The following SDE2 variants were observed in gnomAD, a reference collection of about 807,000 sequenced individuals.
SDE2 encodes the protein splicing regulator SDE2.
A neutral mutation model predicts 46.9 loss-of-function variants in SDE2; 31 were observed. The ratio of observed to expected loss-of-function variants is 0.66; its 90% CI spans 0.50 to 0.89. SDE2 has a LOEUF of 0.89. SDE2 is among the 40% of genes least tolerant of loss of function. The probability of loss-of-function intolerance (pLI) is 0.00; values close to 1 mark genes in which losing one functional copy is unlikely to be tolerated. For missense variants in SDE2, 542 were observed against 564.4 expected (o/e 0.96, Z 0.40); for synonymous variants, 205 against 204.3 (o/e 1.00, Z -0.03).
rs199904241 is a variant in SDE2 at position 225,999,292 on chromosome 1, C to T, written c.21G>A (p.Leu7=). 13 of 1,611,862 alleles carry T rather than the reference C, an allele frequency of 8.1e-6. No homozygotes were observed. The East Asian group carries it at 2.9e-4, about 36-fold the overall frequency. Residue 7 remains leucine, a synonymous_variant, in exon 1 of 7, where the codon CTG becomes CTA. Coordinates refer to ENST00000272091, the MANE Select transcript of SDE2 (RefSeq NM_152608.4). MAEAAA[L]VWIRGPGFGC... is the part of the protein sequence containing the mutation. ...CGAAGCCAGGGCCGCGAATCCACAC[C>T]AGCGCCGCGGCCTCCGCCATGTCAC...
rs1379948044 is a variant in SDE2, at chr1:225,987,995, T to C, written c.1035A>G (p.Thr345=). Residue 345 remains threonine (T), a synonymous_variant, in exon 6 of 7, where the codon ACA becomes ACG. Transcript: ENST00000272091. ...TGAGLNKDKE[T]EERTDGERVA... ...CTCTTTCCCCATCAGTCCTTTCTTC[T>C]GTCTCTTTATCCTTATTCAGTCCAG... 3 of 1,614,210 alleles carry C rather than the reference T, an allele frequency of 1.9e-6. No individual in the cohort carries two copies. Among genetic ancestry groups the C allele is most frequent in the Admixed American group, 3.3e-5 (2 of 60,022 alleles).
chr1:225,997,538 T>C (rs976228496), intron 1 of SDE2, among the ~76,000 whole-genome samples: 2 of 152,132 alleles, frequency 1.3e-5, no homozygotes, highest in African/African-American at 4.8e-5. Context: ...CAAATGATTC[T>C]TCTGCTTCAG....
rs367643036 is a variant in SDE2 at position 225,997,720 on chromosome 1, C to G, written c.120+1473G>C. On this transcript the variant is annotated intron_variant, in intron 1 of 6. Transcript: ENST00000272091. ...TGTTGGAATTACAGGCGTGAGCCAC[C>G]ACGCCTGGCCTATATTTCTTGCTTC... Among the ~76,000 whole-genome samples the G allele has an allele frequency of 2.7e-4, 41 of 152,318 alleles. 1 individual carries two copies. The South Asian group carries it at 8.3e-3, about 31-fold the overall frequency.
At position 225,985,356 on chromosome 1, in the gene SDE2, C is replaced by T; in HGVS notation, c.1302G>A (p.Lys434=). The T allele has an allele frequency of 1.2e-6, 2 of 1,614,220 alleles. No homozygotes were observed. The highest frequency in any genetic ancestry group is 1.7e-6 in the Non-Finnish European group (2 of 1,180,042). ...CAAATAAAGCCGGGTCAATTTGCTC[C>T]TTTGCCAGTCCTCTGACAGAGAAGA... ...ARLFSVRGLA[K]EQIDPALFAK... is the part of the protein sequence containing the mutation. Residue 434 remains lysine, a synonymous_variant, in exon 7 of 7, where the codon AAG becomes AAA. Coordinates refer to ENST00000272091, the MANE Select transcript of SDE2 (RefSeq NM_152608.4).
At chr1:225,986,314 AAC>A (rs1350747841) in intron 6 of SDE2, among the ~76,000 whole-genome samples, 2 of 151,728 alleles carry the variant, frequency 1.3e-5, no homozygotes, top group African/African-American at 4.8e-5. Flanking sequence ...CAGCCTGAGC[AAC>A]AGAGTGAGAC....
At chr1:225,992,330 T>G (rs116701520) in intron 4 of SDE2, 68 bp downstream of exon 4, 54 of 1,138,894 alleles carry the variant, frequency 4.7e-5, no homozygotes, top group Non-Finnish European at 6.4e-5. Context: ...TTGTGCGTAG[T>G]GTAGAGCAGT....
chr1:225,992,781 T>C (rs1260618105), intron 3 of SDE2, 110 bp downstream of exon 3: 3 of 699,924 alleles, frequency 4.3e-6, no homozygotes, highest in Non-Finnish European at 4.9e-6. Context: ...TAAATTTGGA[T>C]GTAAATATTT....
chr1:225,986,559 T>G (rs1244364060), intron 6 of SDE2, among the ~76,000 whole-genome samples: 1 of 152,214 alleles, frequency 6.6e-6, no homozygotes, highest in Non-Finnish European at 1.5e-5. Context: ...TATGACCAAA[T>G]TCTAAAATGC....
rs772498404 is a variant in SDE2, at chr1:225,992,405, G to A, written c.513C>T (p.Val171=). ...HEMAERLEDS[V]LKGMQAASSK... ...AGGAATCCTCATTCTCACCTTTGAG[G>A]ACGGAATCCTCCAGACGCTCAGCCA... The change falls in exon 4 of 7, where the codon GTC becomes GTT. Residue 171 remains valine, a synonymous_variant. Coordinates refer to ENST00000272091, the MANE Select transcript of SDE2 (RefSeq NM_152608.4). 6.2e-7 allele frequency: 1 copy of A among 1,613,006 alleles called. No homozygotes were observed. Among genetic ancestry groups the A allele is most frequent in the South Asian group, 1.1e-5 (1 of 91,068 alleles).
rs1046368306 is a variant in SDE2, at chr1:225,991,288, G to C, written c.596C>G (p.Ser199Cys). The C allele has an allele frequency of 2.5e-6, 4 of 1,613,810 alleles. No homozygotes were observed. Among genetic ancestry groups the C allele is most frequent in the Non-Finnish European group, 3.4e-6 (4 of 1,179,832 alleles). ...ENRKRQWPTK[S>C]QTDRGASAGK... ...CGCACTGGCTCCTCTGTCTGTTTGAGATTTAGTAGGCCATTGCCGTTTCCG... is the reference window on the plus strand; with the variant it reads ...CGCACTGGCTCCTCTGTCTGTTTGACATTTAGTAGGCCATTGCCGTTTCCG... The change falls in exon 5 of 7, where the codon TCT becomes TGT. Residue 199 changes from serine to cysteine, a missense_variant. Coordinates refer to ENST00000272091, the MANE Select transcript of SDE2 (RefSeq NM_152608.4).
At chr1:225,990,516 A>G (rs1240173123) in intron 5 of SDE2, among the ~76,000 whole-genome samples, 1 of 152,178 alleles carries the variant, frequency 6.6e-6, no homozygotes, top group Non-Finnish European at 1.5e-5. Context: ...CGTAGAACCA[A>G]TCAACCAAAA....
intron 1 of SDE2, 44 bp downstream of exon 1, chr1:225,999,149 C>A (rs370780477): frequency 3.9e-6 from 6 of 1,544,216 alleles, no homozygotes; most frequent in Non-Finnish European, 5.4e-6. Context: ...GCGCTGCCAC[C>A]TGTCTGCCTC....
intron 4 of SDE2, among the ~76,000 whole-genome samples, chr1:225,991,923 G>A (rs933979532): frequency 6.6e-6 from 1 of 152,204 alleles, no homozygotes; most frequent in African/African-American, 2.4e-5. Context: ...GGTTAAATAT[G>A]CCAAATGTTG....
Position 225,987,881 on chromosome 1 carries a change from C to T in SDE2, c.1134+15G>A, listed in dbSNP as rs377323585. 7.5e-6 allele frequency: 12 copies of T among 1,602,110 alleles called. No individual in the cohort carries two copies. The African/African-American group carries it at 1.5e-4, about 20-fold the overall frequency. The stretch of plus-strand genomic sequence containing the variant: ...ACTGATTTGGCTCTAGGTATCAACC[C>T]CAAAACATACTTACTGCGTTTCCTG... On this transcript the variant is annotated intron_variant, in intron 6 of 6. Transcript: ENST00000272091.
In SDE2 at chr1:225,999,330, C is replaced by T; in HGVS notation, c.-18G>A. On this transcript the variant is annotated 5_prime_UTR_variant, in exon 1 of 7. Coordinates refer to ENST00000272091, the MANE Select transcript of SDE2 (RefSeq NM_152608.4). ...TCCGCCATGTCACCGACTACCCGAA[C>T]CTCAAGCCTCTCTGAGACACCAGGC... 2 of 1,607,588 alleles carry T rather than the reference C, an allele frequency of 1.2e-6. No homozygotes were observed. Among genetic ancestry groups the T allele is most frequent in the Non-Finnish European group, 1.7e-6 (2 of 1,176,946 alleles).
Position 225,999,170 on chromosome 1 carries a change from C to G in SDE2, c.120+23G>C, listed in dbSNP as rs1379426046. The G allele has an allele frequency of 2.5e-6, 4 of 1,603,368 alleles. No homozygotes were observed. In the South Asian group the frequency reaches 4.4e-5, roughly 18 times the overall value. On this transcript the variant is annotated intron_variant, in intron 1 of 6. Coordinates refer to ENST00000272091, the MANE Select transcript of SDE2 (RefSeq NM_152608.4). ...CCACCTGTCTGCCTCTTTCTCCTTC[C>G]TAACAGGAACCGAAATCCTCACCTG...
rs1656223681 is a variant in SDE2, at chr1:225,984,419, A to G, written c.*883T>C. 6.6e-6 allele frequency: 1 copy of G among 152,322 alleles called. No individual in the cohort carries two copies. Among genetic ancestry groups the G allele is most frequent in the African/African-American group, 2.4e-5 (1 of 41,586 alleles). The allele number at this position is 152,322 out of a possible 1,614,324, so 9.4% of individuals were successfully genotyped here. A position where few individuals can be genotyped will look rare whatever the true frequency, so the allele number is the denominator to read the frequency against. On this transcript the variant is annotated 3_prime_UTR_variant, in exon 7 of 7. Transcript: ENST00000272091. ...CTTATCTTAAGGAACTAAAGAAAAA[A>G]GATCAAAGGAGACTCAAGCTAAATA...
rs150202613 is a variant in SDE2 at position 225,999,275 on chromosome 1, G to A, written c.38C>T (p.Pro13Leu). ...CCGCACCGCCTTGCACCCGAAGCCA[G>A]GGCCGCGAATCCACACCAGCGCCGC... Reference protein sequence around the residue: ...EAAALVWIRGPGFGCKAVRCA... With the variant: ...EAAALVWIRGLGFGCKAVRCA... The change falls in exon 1 of 7, where the codon CCT (proline) becomes CTT (leucine). Residue 13 changes from proline to leucine, a missense_variant. Coordinates refer to ENST00000272091, the MANE Select transcript of SDE2 (RefSeq NM_152608.4). 6.2e-7 allele frequency: 1 copy of A among 1,612,496 alleles called. No homozygotes were observed. Among genetic ancestry groups the A allele is most frequent in the African/African-American group, 1.3e-5 (1 of 75,008 alleles).
intron 4 of SDE2, 83 bp from the exon 5 acceptor site, chr1:225,991,446 G>C: frequency 1.9e-6 from 2 of 1,074,156 alleles, no homozygotes; most frequent in South Asian, 1.5e-5. Context: ...TGCAAAAAGA[G>C]CTGCAATCTA....
Sources: allele counts gnomAD v4.1 joint callset (sites outside exome capture counted in the v4.1 genomes callset), GRCh38; gene constraint gnomAD v4.1.1; transcripts MANE v1.5; gene names NCBI Gene and HGNC (gene_info 2026-07-23, HGNC 2026-07-21).